Variants in STX18 observed in about 807,000 individuals in gnomAD.
STX18 encodes syntaxin 18, also known as syntaxin-18.
A neutral mutation model predicts 50.1 loss-of-function variants in STX18; 40 were observed. The observed-to-expected ratio is 0.80, with a 90% CI of 0.62 to 1.04. The LOEUF (loss-of-function observed/expected upper bound fraction) is 1.04. Ranked by LOEUF, STX18 falls within the 50% of genes least tolerant of loss-of-function variation. The pLI, the probability that STX18 is intolerant of heterozygous loss-of-function variation, is 0.00. For missense variants in STX18, 410 were observed against 415.8 expected (o/e 0.99, Z 0.12); for synonymous variants, 158 against 151.8 (o/e 1.04, Z -0.30).
intron 1 of STX18, among the ~76,000 whole-genome samples, chr4:4,484,256 TAC>T (rs775042133): frequency 2.0e-5 from 3 of 152,156 alleles, no homozygotes; most frequent in Admixed American, 6.5e-5. Flanking sequence ...CCAAATAAAA[TAC>T]AGTTTCCAGA....
At chr4:4,487,575 C>A (rs1278610019) in intron 1 of STX18, among the ~76,000 whole-genome samples, 4 of 152,186 alleles carry the variant, frequency 2.6e-5, no homozygotes, top group African/African-American at 7.2e-5. Context: ...TCTATGCCTC[C>A]AAACTTGGGC....
intron 5 of STX18, among the ~76,000 whole-genome samples, chr4:4,450,677 T>G (rs1726699434): frequency 6.6e-6 from 1 of 152,092 alleles, no homozygotes; most frequent in South Asian, 2.1e-4. Context: ...TCCATCCCTC[T>G]CCAGCACGGA....
chr4:4,479,270 C>T (rs1044511774), intron 1 of STX18, among the ~76,000 whole-genome samples: 3 of 152,148 alleles, frequency 2.0e-5, no homozygotes, highest in Non-Finnish European at 2.9e-5. Context: ...ACTAACACAT[C>T]CTGTATAAAT....
At chr4:4,503,502 A>G (rs995873170) in intron 1 of STX18, among the ~76,000 whole-genome samples, 1 of 152,150 alleles carries the variant, frequency 6.6e-6, no homozygotes, top group Non-Finnish European at 1.5e-5. Flanking sequence ...ATTTTTTTAA[A>G]AATTAAATTT....
At chr4:4,540,982 A>C (rs1731559360) in intron 1 of STX18, among the ~76,000 whole-genome samples, 2 of 152,192 alleles carry the variant, frequency 1.3e-5, no homozygotes, top group African/African-American at 4.8e-5. Flanking sequence ...GAACTATATA[A>C]GCTGTAGGCC....
At chr4:4,497,623 C>T (rs1251716058) in intron 1 of STX18, among the ~76,000 whole-genome samples, 2 of 152,070 alleles carry the variant, frequency 1.3e-5, no homozygotes, top group Non-Finnish European at 2.9e-5. Flanking sequence ...AAAACTGAGG[C>T]CCATAAAGGT....
chr4:4,419,767 G>A lies in STX18; in HGVS notation c.*267C>T. On this transcript the variant is annotated 3_prime_UTR_variant, in exon 11 of 11. Transcript: ENST00000306200. ...AAGGAGCAGCTAATCACCCACTCCTGCATTCAGTCTGTCTTGCCTGATGAG... is the reference window on the plus strand; with the variant it reads ...AAGGAGCAGCTAATCACCCACTCCTACATTCAGTCTGTCTTGCCTGATGAG... 2.8e-6 allele frequency: 1 copy of A among 353,092 alleles called. No homozygotes were observed. Among genetic ancestry groups the A allele is most frequent in the Non-Finnish European group, 5.3e-6 (1 of 190,446 alleles). The allele number at this position is 353,092 out of a possible 1,614,324, so 21.9% of individuals were successfully genotyped here. A position where few individuals can be genotyped will look rare whatever the true frequency, so the allele number is the denominator to read the frequency against.
chr4:4,445,342 G>A (rs1263427429), intron 5 of STX18, among the ~76,000 whole-genome samples: 1 of 152,002 alleles, frequency 6.6e-6, no homozygotes. Flanking sequence ...GGAGGTGGAG[G>A]TTGCAGTGAG....
chr4:4,505,715 G>C (rs1221640985), intron 1 of STX18, among the ~76,000 whole-genome samples: 1 of 152,162 alleles, frequency 6.6e-6, no homozygotes, highest in East Asian at 1.9e-4. Context: ...CTTGAACCTG[G>C]GAGGTGGAGG....
intron 1 of STX18, among the ~76,000 whole-genome samples, chr4:4,516,943 A>T (rs1382433249): frequency 6.6e-6 from 1 of 152,188 alleles, no homozygotes; most frequent in Admixed American, 6.5e-5. Flanking sequence ...CAAACATCCC[A>T]TATTAAAACG....
intron 2 of STX18, among the ~76,000 whole-genome samples, chr4:4,460,433 C>G (rs1004495414): frequency 2.0e-5 from 3 of 152,004 alleles, no homozygotes; most frequent in African/African-American, 7.2e-5. Context: ...CTCCCAAAGC[C>G]TTCTCTAGGA....
chr4:4,507,040 A>G (rs1213327492), intron 1 of STX18: 1 of 439,858 alleles, frequency 2.3e-6, no homozygotes, highest in African/African-American at 2.0e-5. Flanking sequence ...ATTTTTAAAA[A>G]GCAGCTCTTC....
intron 1 of STX18, among the ~76,000 whole-genome samples, chr4:4,515,063 A>G (rs1237409131): frequency 6.6e-6 from 1 of 152,220 alleles, no homozygotes; most frequent in African/African-American, 2.4e-5. Context: ...CACTTTCTCC[A>G]TATAATTCTC....
Position 4,419,883 on chromosome 4 carries a change from G to A in STX18, c.*151C>T, listed in dbSNP as rs574785408. On this transcript the variant is annotated 3_prime_UTR_variant, in exon 11 of 11. Coordinates refer to ENST00000306200, the MANE Select transcript of STX18 (RefSeq NM_016930.4). ...CCATCGGCCTGGGGTATCCCTTTTT[G>A]GGGAATACGTCTGTCTGTCTGAACT... 1 of 666,312 alleles carries A rather than the reference G, an allele frequency of 1.5e-6. No individual in the cohort carries two copies. The highest frequency in any genetic ancestry group is 1.9e-5 in the South Asian group (1 of 52,542). 41.3% of individuals were successfully genotyped at this position (666,312 alleles called of 1,614,324 possible). A position where few individuals can be genotyped will look rare whatever the true frequency, so the allele number is the denominator to read the frequency against.
chr4:4,489,575 T>G (rs542889887), intron 1 of STX18, among the ~76,000 whole-genome samples: 1 of 151,874 alleles, frequency 6.6e-6, no homozygotes, highest in African/African-American at 2.4e-5. Flanking sequence ...AAGAGATAAG[T>G]TACAGAACTT....
chr4:4,474,424 T>A (rs1410678412), intron 1 of STX18, among the ~76,000 whole-genome samples: 1 of 152,132 alleles, frequency 6.6e-6, no homozygotes, highest in East Asian at 1.9e-4. Flanking sequence ...GGATTATACC[T>A]GCTACCGTAG....
At chr4:4,512,904 C>T (rs1369657357) in intron 1 of STX18, among the ~76,000 whole-genome samples, 1 of 152,118 alleles carries the variant, frequency 6.6e-6, no homozygotes, top group Non-Finnish European at 1.5e-5. Context: ...TAACATGCGA[C>T]TCTGCCTCAG....
intron 9 of STX18, among the ~76,000 whole-genome samples, chr4:4,422,305 G>A (rs1294582484): frequency 1.3e-5 from 2 of 152,096 alleles, no homozygotes; most frequent in Non-Finnish European, 2.9e-5. Flanking sequence ...AGTGGCTCTC[G>A]TCTGTAATCC....
intron 1 of STX18, among the ~76,000 whole-genome samples, chr4:4,518,374 T>C (rs982220686): frequency 6.6e-6 from 1 of 152,228 alleles, no homozygotes; most frequent in African/African-American, 2.4e-5. Flanking sequence ...GAATAAGGCA[T>C]TTGTATAGAA....
Sources: allele counts gnomAD v4.1 joint callset (sites outside exome capture counted in the v4.1 genomes callset), GRCh38; gene constraint gnomAD v4.1.1; transcripts MANE v1.5; gene names NCBI Gene and HGNC (gene_info 2026-07-23, HGNC 2026-07-21).